The following PTPRG variants were observed in gnomAD, a reference collection of about 807,000 sequenced individuals.
PTPRG encodes the protein receptor-type tyrosine-protein phosphatase gamma.
In PTPRG, 102 loss-of-function variants were observed where a neutral mutation model predicts 165.3. That is an observed-to-expected ratio of 0.62 (90% CI 0.53 to 0.73). PTPRG has a LOEUF of 0.73. Among genes scored for constraint, PTPRG ranks in the 30% least tolerant of loss-of-function variants. The probability of loss-of-function intolerance (pLI) is 0.00; values close to 1 mark genes in which losing one functional copy is unlikely to be tolerated. For missense variants in PTPRG, 1,866 were observed against 1,861.4 expected (o/e 1.00, Z -0.05); for synonymous variants, 675 against 669.5 (o/e 1.01, Z -0.13).
At chr3:62,201,393 A>T (rs1409753199) in intron 10 of PTPRG, 112 bp from the exon 11 acceptor site, 1 of 860,252 alleles carries the variant, frequency 1.2e-6, no homozygotes, top group African/African-American at 1.7e-5. Flanking sequence ...CTACAGAATA[A>T]TATTTTGACA....
At chr3:62,221,248 A>G (rs1700644508) in intron 13 of PTPRG, among the ~76,000 whole-genome samples, 1 of 152,226 alleles carries the variant, frequency 6.6e-6, no homozygotes, top group Non-Finnish European at 1.5e-5. Context: ...ATGTATGCAT[A>G]TATTTCATCA....
chr3:62,268,973 CATT>C, intron 19 of PTPRG, 59 bp from the exon 20 acceptor site: 1 of 1,413,492 alleles, frequency 7.1e-7, no homozygotes, highest in Non-Finnish European at 9.4e-7. Flanking sequence ...TTTGAAATTA[CATT>C]ATCAACAGAA....
At chr3:62,211,817 T>C (rs748078862) in intron 12 of PTPRG, among the ~76,000 whole-genome samples, 1 of 152,166 alleles carries the variant, frequency 6.6e-6, no homozygotes, top group African/African-American at 2.4e-5. Context: ...TGGGTCCATC[T>C]GATGTATTGC....
intron 1 of PTPRG, among the ~76,000 whole-genome samples, chr3:61,711,893 CTTT>C (rs34377397): frequency 4.4e-5 from 6 of 135,980 alleles, no homozygotes; most frequent in Admixed American, 1.6e-4. Flanking sequence ...TTATTATAGT[CTTT>C]TTTTTTTTTT....
chr3:61,736,115 C>T (rs28469292), intron 1 of PTPRG, among the ~76,000 whole-genome samples: 1 of 151,932 alleles, frequency 6.6e-6, no homozygotes, highest in African/African-American at 2.4e-5. Context: ...ACCATGTTAC[C>T]CAGGCTGGTC....
rs73838884 is a variant in PTPRG at position 61,654,093 on chromosome 3, G to A, written c.85+91721G>A. ...TTTGACAAATTACCTAATCTCTTCGGACCTCAGTTTACTCTTGTGCCTTAT... is the reference window on the plus strand; with the variant it reads ...TTTGACAAATTACCTAATCTCTTCGAACCTCAGTTTACTCTTGTGCCTTAT... On this transcript the variant is annotated intron_variant, in intron 1 of 29. Coordinates refer to ENST00000474889, the MANE Select transcript of PTPRG (RefSeq NM_002841.4). Among the ~76,000 whole-genome samples, 1,384 of 152,232 alleles carry A rather than the reference G, an allele frequency of 9.1e-3. 27 individuals are homozygous for A. The highest frequency in any genetic ancestry group is 0.029 in the African/African-American group (1,201 of 41,526).
At chr3:61,692,481 G>T (rs369710188) in intron 1 of PTPRG, among the ~76,000 whole-genome samples, 2 of 152,166 alleles carry the variant, frequency 1.3e-5, no homozygotes, top group African/African-American at 4.8e-5. Context: ...TTTCATGCGC[G>T]TCCGTGTGAA....
chr3:62,262,700 T>C (rs1412669250), intron 16 of PTPRG, 98 bp from the exon 17 acceptor site: 2 of 665,202 alleles, frequency 3.0e-6, no homozygotes, highest in Non-Finnish European at 4.8e-6. Context: ...TAACGGTGGC[T>C]GTGGCCAGGG....
chr3:61,871,108 C>CTGTTATGTTATGTTATGTTA (rs200340668), intron 2 of PTPRG, among the ~76,000 whole-genome samples: 6 of 127,048 alleles, frequency 4.7e-5, no homozygotes, highest in African/African-American at 1.8e-4. Flanking sequence ...CCTACATTCC[C>CTGTTATGTTATGTTATGTTA]TGTTATGTTA....
chr3:61,711,127 T>G (rs2031530614), intron 1 of PTPRG, among the ~76,000 whole-genome samples: 1 of 152,224 alleles, frequency 6.6e-6, no homozygotes, highest in African/African-American at 2.4e-5. Context: ...CTGCATAGTA[T>G]TCCATGGTGT....
chr3:62,288,125 G>A, intron 28 of PTPRG, among the ~76,000 whole-genome samples: 1 of 147,414 alleles, frequency 6.8e-6, no homozygotes. Flanking sequence ...TGGTGAAATG[G>A]AGCCAAACTG....
intron 4 of PTPRG, among the ~76,000 whole-genome samples, chr3:62,058,888 C>T (rs1421717181): frequency 6.6e-6 from 1 of 152,164 alleles, no homozygotes; most frequent in Non-Finnish European, 1.5e-5. Flanking sequence ...CCCTAAACTG[C>T]ATTATGATCC....
At chr3:61,990,847 G>A (rs1008394282) in intron 3 of PTPRG, among the ~76,000 whole-genome samples, 16 of 150,678 alleles carry the variant, frequency 1.1e-4, no homozygotes, top group Admixed American at 5.3e-4. Context: ...GGGCTAAAAT[G>A]ACTTAGCTCC....
chr3:61,749,267 C>A (rs568591486), intron 2 of PTPRG: 1 of 457,316 alleles, frequency 2.2e-6, no homozygotes, highest in Non-Finnish European at 4.0e-6. Flanking sequence ...TTCTGAAAGA[C>A]GTAGTCTTGT....
chr3:61,960,586 G>C (rs1296342809), intron 2 of PTPRG, among the ~76,000 whole-genome samples: 1 of 152,076 alleles, frequency 6.6e-6, no homozygotes, highest in African/African-American at 2.4e-5. Flanking sequence ...AATATACTCT[G>C]CTTGACAGCC....
chr3:62,129,516 C>T (rs1336937927), intron 5 of PTPRG, among the ~76,000 whole-genome samples: 2 of 152,106 alleles, frequency 1.3e-5, no homozygotes, highest in African/African-American at 2.4e-5. Context: ...GCATTGTAAC[C>T]ATGGCAACGC....
chr3:61,662,577 G>A (rs2365935), intron 1 of PTPRG, among the ~76,000 whole-genome samples: 15,695 of 152,208 alleles, frequency 0.1, 1,059 homozygotes, highest in East Asian at 0.19. Context: ...AAGCCATTAC[G>A]TTGTGGGATA....
chr3:61,833,487 T>A (rs2107302007), intron 2 of PTPRG, among the ~76,000 whole-genome samples: 1 of 152,304 alleles, frequency 6.6e-6, no homozygotes, highest in South Asian at 2.1e-4. Flanking sequence ...TGAGCGTGTG[T>A]GCCAATGCCC....
intron 7 of PTPRG, among the ~76,000 whole-genome samples, chr3:62,164,746 C>T (rs1028379355): frequency 6.6e-6 from 1 of 152,196 alleles, no homozygotes; most frequent in Non-Finnish European, 1.5e-5. Flanking sequence ...CAACCTGCCT[C>T]ATTTTTACAG....
Sources: gnomAD v4.1 joint callset for allele counts (sites outside exome capture counted in the v4.1 genomes callset) on GRCh38, gnomAD v4.1.1 for gene constraint, MANE v1.5 for transcripts, NCBI Gene and HGNC (gene_info 2026-07-23, HGNC 2026-07-21) for gene names.